Variants in ANK1 observed in about 807,000 individuals in gnomAD.
ANK1 encodes the protein ankyrin 1, also known as ankyrin-1.
In ANK1, 51 loss-of-function variants were observed where a neutral mutation model predicts 210.4. The ratio of observed to expected loss-of-function variants is 0.24; its 90% CI spans 0.19 to 0.31. ANK1 has a LOEUF of 0.31. Ranked by LOEUF, ANK1 falls within the 10% of genes least tolerant of loss-of-function variation. The pLI, the probability that ANK1 is intolerant of heterozygous loss-of-function variation, is 1.00. For missense variants in ANK1, 2,051 were observed against 2,504.4 expected, an observed-to-expected ratio of 0.82 and a Z score of 3.86; for synonymous variants, 967 against 1,025.9, an observed-to-expected ratio of 0.94 and a Z score of 1.10.
intron 39 of ANK1, chr8:41,664,107 C>T (rs902023982): frequency 1.7e-5 from 8 of 465,254 alleles, no homozygotes; most frequent in Non-Finnish European, 2.6e-5. Flanking sequence ...TATAGAAAAG[C>T]CCTTCGACAG....
rs561853413 is a variant in ANK1, at chr8:41,837,248, A to T, written c.126+59107T>A. Among the ~76,000 whole-genome samples, 4 of 152,348 alleles carry T rather than the reference A, an allele frequency of 2.6e-5. No homozygotes were observed. In the South Asian group the frequency reaches 8.3e-4, roughly 32 times the overall value. On this transcript the variant is annotated intron_variant, in intron 1 of 42. Transcript: ENST00000265709. The stretch of plus-strand genomic sequence containing the variant: ...CTCTATAGTCACACCTTCATCCAGC[A>T]CTTACTAGGTGCCACTCACAAACTC...
At chr8:41,729,999 A>C (rs1434131762) in intron 3 of ANK1, among the ~76,000 whole-genome samples, 1 of 152,234 alleles carries the variant, frequency 6.6e-6, no homozygotes, top group Non-Finnish European at 1.5e-5. Flanking sequence ...GATCTCAAAC[A>C]ACCTCATTTT....
At chr8:41,846,630 T>A (rs1055420075) in intron 1 of ANK1, among the ~76,000 whole-genome samples, 1 of 152,242 alleles carries the variant, frequency 6.6e-6, no homozygotes, top group South Asian at 2.1e-4. Context: ...CCAAAACACA[T>A]TGAGTCTCTT....
chr8:41,858,209 G>C (rs1756781327), intron 1 of ANK1, among the ~76,000 whole-genome samples: 1 of 152,160 alleles, frequency 6.6e-6, no homozygotes, highest in African/African-American at 2.4e-5. Flanking sequence ...TCCAGCCTGG[G>C]TGACAGCAAG....
At position 41,708,986 on chromosome 8, in the gene ANK1, A is replaced by G. The variant is rs760114431; in HGVS notation, c.1801-11T>C. 3 of 1,613,646 alleles carry G rather than the reference A, an allele frequency of 1.9e-6. No homozygotes were observed. Among genetic ancestry groups the G allele is most frequent in the Non-Finnish European group, 2.5e-6 (3 of 1,180,030 alleles). On this transcript the variant is annotated splice_polypyrimidine_tract_variant and intron_variant, in intron 16 of 42. Transcript: ENST00000289734. ...AGGGGTGTAGCCATTCTGAAACAGA[A>G]GAAGCCGCCCAGAGCCTGGTTACAG...
chr8:41,698,410 CACCAA>C (rs564421917), intron 23 of ANK1, among the ~76,000 whole-genome samples: 327 of 152,334 alleles, frequency 2.1e-3, no homozygotes, highest in African/African-American at 7.5e-3. Context: ...ATTTCGATCC[CACCAA>C]ATGAGTCCGT....
At chr8:41,711,401 G>C (rs547628977) in intron 16 of ANK1, among the ~76,000 whole-genome samples, 25 of 152,304 alleles carry the variant, frequency 1.6e-4, no homozygotes, top group African/African-American at 5.1e-4. Flanking sequence ...ACTCCCTTTC[G>C]GAGTTTAGGC....
chr8:41,800,302 T>C (rs541101938), upstream of ANK1, among the ~76,000 whole-genome samples: 4 of 152,274 alleles, frequency 2.6e-5, no homozygotes, highest in African/African-American at 9.6e-5. Flanking sequence ...AATTACACTG[T>C]AATTCACTCT....
chr8:41,704,030 A>G lies in ANK1; in HGVS notation c.2295+11T>C, dbSNP rs1457485923. The G allele has an allele frequency of 6.2e-7, 1 of 1,612,550 alleles. No homozygotes were observed. The highest frequency in any genetic ancestry group is 2.2e-5 in the East Asian group (1 of 44,834). ...GCAGTTTTCTAAACTCAGGAGAGAG[A>G]GTGTACTCACCGAGCTGACCTCGTT... On this transcript the variant is annotated intron_variant, in intron 20 of 42. Transcript: ENST00000289734. This position sits in a 1 kb window ranked among gnomAD's most constrained non-coding sequence, Gnocchi z 4.1.
chr8:41,690,353 T>C lies in ANK1; in HGVS notation c.3985-7A>G, dbSNP rs918075936. ...CTCGACTGCTGTCCCTCACCTAAACTCAATCACACAAAGGAGAATTCAGGG... is the reference window on the plus strand; with the variant it reads ...CTCGACTGCTGTCCCTCACCTAAACCCAATCACACAAAGGAGAATTCAGGG... On this transcript the variant is annotated splice_region_variant and splice_polypyrimidine_tract_variant and intron_variant, in intron 32 of 42. Coordinates refer to ENST00000289734, the MANE Select transcript of ANK1 (RefSeq NM_000037.4). 3 of 1,614,162 alleles carry C rather than the reference T, an allele frequency of 1.9e-6. No individual in the cohort carries two copies. Among genetic ancestry groups the C allele is most frequent in the Admixed American group, 3.3e-5 (2 of 60,032 alleles).
intron 1 of ANK1, among the ~76,000 whole-genome samples, chr8:41,841,241 T>C (rs1298627867): frequency 6.6e-6 from 1 of 152,186 alleles, no homozygotes; most frequent in Non-Finnish European, 1.5e-5. Flanking sequence ...GAAATCCTAC[T>C]GGGAACTTGG....
chr8:41,793,611 T>A (rs1468172195), intron 1 of ANK1, among the ~76,000 whole-genome samples: 1 of 152,204 alleles, frequency 6.6e-6, no homozygotes, highest in East Asian at 1.9e-4. Context: ...TTTTTAAAAC[T>A]TAGAACACAT....
chr8:41,686,313 AG>A, intron 35 of ANK1, 30 bp from the exon 36 acceptor site: 1 of 1,612,454 alleles, frequency 6.2e-7, no homozygotes, highest in Non-Finnish European at 8.5e-7. Context: ...AGCAGATGTG[AG>A]CCTCCAGCTC....
At chr8:41,791,245 C>T (rs1190901041) in intron 1 of ANK1, among the ~76,000 whole-genome samples, 8 of 125,970 alleles carry the variant, frequency 6.4e-5, no homozygotes, top group Non-Finnish European at 1.3e-4. Context: ...ACTCTCAGCT[C>T]ACTGCAACCT....
chr8:41,868,770 G>C (rs1203084498), intron 1 of ANK1, among the ~76,000 whole-genome samples: 1 of 152,130 alleles, frequency 6.6e-6, no homozygotes, highest in Non-Finnish European at 1.5e-5. Flanking sequence ...TTTTAAAAGA[G>C]CTTAGAAATT....
At chr8:41,688,297 G>A (rs539749471) in intron 34 of ANK1, 67 bp from the exon 35 acceptor site, 14 of 1,546,940 alleles carry the variant, frequency 9.1e-6, no homozygotes, top group Admixed American at 3.3e-5. Context: ...CTGAGGACAC[G>A]GCCTGTGATG....
chr8:41,738,439 G>A (rs910777557), intron 2 of ANK1, among the ~76,000 whole-genome samples: 1 of 152,142 alleles, frequency 6.6e-6, no homozygotes, highest in Non-Finnish European at 1.5e-5. Context: ...ACCTGAAAAC[G>A]AACCTCCTGC....
chr8:41,670,130 C>T (rs1811812154), intron 38 of ANK1, among the ~76,000 whole-genome samples: 1 of 152,048 alleles, frequency 6.6e-6, no homozygotes, highest in Admixed American at 6.6e-5. Flanking sequence ...TCTAGAATTT[C>T]TGTTTTAATG....
chr8:41,760,737 T>TAAAC (rs1046901729), intron 1 of ANK1, among the ~76,000 whole-genome samples: 9 of 151,944 alleles, frequency 5.9e-5, no homozygotes, highest in African/African-American at 1.9e-4. Context: ...TTAAAAGAAA[T>TAAAC]AAACAGTGTT....
Sources: gnomAD v4.1 joint callset for allele counts (sites outside exome capture counted in the v4.1 genomes callset) on GRCh38, gnomAD v4.1.1 for gene constraint, Gnocchi (gnomAD v3.1) non-coding constraint, MANE v1.5 for transcripts, NCBI Gene and HGNC (gene_info 2026-07-23, HGNC 2026-07-21) for gene names.